Variants in PCDHGB3 observed in about 807,000 individuals in gnomAD.
PCDHGB3 encodes protocadherin gamma subfamily B, 3, also known as protocadherin gamma-B3.
In PCDHGB3, 40 loss-of-function variants were observed where a neutral mutation model predicts 59.2. The observed-to-expected ratio is 0.68, with a 90% CI of 0.52 to 0.88. The LOEUF (loss-of-function observed/expected upper bound fraction) is 0.88. Among genes scored for constraint, PCDHGB3 ranks in the 40% least tolerant of loss-of-function variants. The pLI, the probability that PCDHGB3 is intolerant of heterozygous loss-of-function variation, is 0.00. For synonymous variants in PCDHGB3, 581 were observed against 503.6 expected, an observed-to-expected ratio of 1.15 and a Z score of -2.06; for missense variants, 1,309 against 1,187.9, an observed-to-expected ratio of 1.10 and a Z score of -1.50.
intron 1 of PCDHGB3, among the ~76,000 whole-genome samples, chr5:141,483,432 A>G (rs756227206): frequency 2.0e-5 from 3 of 152,200 alleles, no homozygotes; most frequent in African/African-American, 4.8e-5. Flanking sequence ...GAGGGAGCTG[A>G]CTACAATAAA....
rs537985555 is a variant in PCDHGB3 at position 141,449,278 on chromosome 5, C to A, written c.2416-45529C>A. On this transcript the variant is annotated intron_variant, in intron 1 of 3. Coordinates refer to ENST00000576222, the MANE Select transcript of PCDHGB3 (RefSeq NM_018924.5). ...TGTACAAAGAACTGTATCTCCTTCA[C>A]CCGGATGCACCGGGTGAATTATATG... Among the ~76,000 whole-genome samples the A allele has an allele frequency of 4.6e-5, 7 of 152,166 alleles. No homozygotes were observed. In the South Asian group the frequency reaches 1.5e-3, roughly 32 times the overall value.
rs201160783 is a variant in PCDHGB3, at chr5:141,418,846, A to G, written c.2415+46037A>G. The G allele has an allele frequency of 7.4e-5, 120 of 1,613,976 alleles. No homozygotes were observed. In the East Asian group the frequency reaches 2.6e-3, roughly 34 times the overall value. On this transcript the variant is annotated intron_variant, in intron 1 of 3. Transcript: ENST00000576222. Reference sequence around the variant, plus strand: ...CAAAAGACCGAGGATCTCTCTCAACACGGTGTAAAGTAATTGTAGAAGTTG... The same window carrying G: ...CAAAAGACCGAGGATCTCTCTCAACGCGGTGTAAAGTAATTGTAGAAGTTG...
intron 1 of PCDHGB3, among the ~76,000 whole-genome samples, chr5:141,461,231 T>C (rs1042368465): frequency 6.6e-5 from 10 of 152,068 alleles, no homozygotes; most frequent in African/African-American, 2.4e-4. Context: ...TCCATAGAGG[T>C]TGTACTAATT....
chr5:141,495,853 C>T (rs1254274145), intron 2 of PCDHGB3, among the ~76,000 whole-genome samples: 1 of 152,136 alleles, frequency 6.6e-6, no homozygotes, highest in African/African-American at 2.4e-5. Context: ...TTCTCTGTCT[C>T]TCACTATTTC....
intron 1 of PCDHGB3, chr5:141,390,450 T>A: frequency 1.2e-6 from 1 of 822,586 alleles, no homozygotes; most frequent in Non-Finnish European, 1.9e-6. Context: ...AAAGGAGGAG[T>A]AAAGTAGGAG....
At chr5:141,422,997 C>A in intron 1 of PCDHGB3, 3 of 1,614,218 alleles carry the variant, frequency 1.9e-6, no homozygotes, top group Non-Finnish European at 2.5e-6. Flanking sequence ...ACCTGGTGAC[C>A]AAGGTGGTTG....
rs1308015959 is a variant in PCDHGB3, at chr5:141,482,105, AT to A, written c.2416-12701del. Among the ~76,000 whole-genome samples, 417 of 143,332 alleles carry A rather than the reference AT, an allele frequency of 2.9e-3. 1 individual carries two copies. The highest frequency in any genetic ancestry group is 0.011 in the African/African-American group (394 of 37,394). 94.0% of individuals were successfully genotyped at this position (143,332 alleles called of 152,430 possible). Reference sequence around the variant, plus strand: ...ACTCCATCTCAAAAAAAAAAAAAAAATATCTAGAGATGGGAGAATCATATGG... The same window carrying A: ...ACTCCATCTCAAAAAAAAAAAAAAAAATCTAGAGATGGGAGAATCATATGG... On this transcript the variant is annotated intron_variant, in intron 1 of 3. Coordinates refer to ENST00000576222, the MANE Select transcript of PCDHGB3 (RefSeq NM_018924.5).
At chr5:141,498,971 G>GGGAGGGAAGGAAGGAA (rs2099787588) in intron 2 of PCDHGB3, among the ~76,000 whole-genome samples, 1 of 110,970 alleles carries the variant, frequency 9.0e-6, no homozygotes, top group African/African-American at 3.6e-5. Flanking sequence ...GAGGGAGGGA[G>GGGAGGGAAGGAAGGAA]GGAAGGAAGG....
chr5:141,450,823 A>AT (rs1453980247), intron 1 of PCDHGB3, among the ~76,000 whole-genome samples: 4 of 133,078 alleles, frequency 3.0e-5, no homozygotes, highest in African/African-American at 1.2e-4. Context: ...TAATATTATT[A>AT]TTATTATTTT....
In PCDHGB3 at chr5:141,370,801, A is replaced by G; in HGVS notation, c.407A>G (p.Asn136Ser). 6.2e-7 allele frequency: 1 copy of G among 1,614,036 alleles called. No homozygotes were observed. Among genetic ancestry groups the G allele is most frequent in the Non-Finnish European group, 8.5e-7 (1 of 1,179,890 alleles). ...INDNPPTFSQNITELEISELA... is the reference protein window; with the variant it reads ...INDNPPTFSQSITELEISELA... ...GACAACCCACCGACCTTTAGCCAAA[A>G]TATCACTGAGCTGGAAATCAGCGAA... Residue 136 changes from asparagine (N) to serine (S), a missense_variant, in exon 1 of 4, where the codon AAT becomes AGT. Physicochemically the swap from Asn to Ser is conservative, Grantham distance 46 (BLOSUM62 1). Transcript: ENST00000576222.
intron 1 of PCDHGB3, among the ~76,000 whole-genome samples, chr5:141,480,768 A>G (rs1371582817): frequency 6.6e-6 from 1 of 152,162 alleles, no homozygotes; most frequent in African/African-American, 2.4e-5. Flanking sequence ...TCCCCACTTG[A>G]TCCTAATGTG....
chr5:141,371,307 G>A lies in PCDHGB3; in HGVS notation c.913G>A (p.Gly305Arg), dbSNP rs1365898739. 5 of 1,613,970 alleles carry A rather than the reference G, an allele frequency of 3.1e-6. No individual in the cohort carries two copies. In the Admixed American group the frequency reaches 6.7e-5, roughly 22 times the overall value. The change falls in exon 1 of 4, where the codon GGA becomes AGA. Residue 305 changes from glycine (G) to arginine (R), a missense_variant. Coordinates refer to ENST00000576222, the MANE Select transcript of PCDHGB3 (RefSeq NM_018924.5). ...TAAAACGGGGGAACTCACCACTATTGGAGAACTGGACTTTGAAGAGAGAGA... is the reference window on the plus strand; with the variant it reads ...TAAAACGGGGGAACTCACCACTATTAGAGAACTGGACTTTGAAGAGAGAGA... Reference protein sequence around the residue: ...DSKTGELTTIGELDFEERDSY... With the variant: ...DSKTGELTTIRELDFEERDSY...
chr5:141,419,121 C>T, intron 1 of PCDHGB3: 5 of 1,613,882 alleles, frequency 3.1e-6, no homozygotes, highest in Non-Finnish European at 3.4e-6. Flanking sequence ...TACAACGTCA[C>T]CATCGCAGCC....
intron 1 of PCDHGB3, chr5:141,394,704 G>A (rs1357305999): frequency 1.2e-6 from 2 of 1,613,268 alleles, no homozygotes; most frequent in East Asian, 2.2e-5. Context: ...CACGGCGCGA[G>A]CCCTGCTGGA....
chr5:141,408,398 C>A, intron 1 of PCDHGB3: 3 of 1,614,028 alleles, frequency 1.9e-6, no homozygotes, highest in Non-Finnish European at 2.5e-6. Context: ...GGCTCGCAAG[C>A]TGCGAGTGAG....
chr5:141,494,701 C>G, intron 1 of PCDHGB3, 106 bp from the exon 2 acceptor site: 1 of 1,594,596 alleles, frequency 6.3e-7, no homozygotes, highest in Non-Finnish European at 8.6e-7. Context: ...CCGTTTTCTT[C>G]TCTGTGCCCA....
intron 1 of PCDHGB3, chr5:141,428,285 C>CA (rs2097130658): frequency 2.7e-6 from 2 of 734,934 alleles, no homozygotes; most frequent in Non-Finnish European, 4.7e-6. Context: ...GATTCCCAAG[C>CA]AAAGCTGCAG....
intron 1 of PCDHGB3, among the ~76,000 whole-genome samples, chr5:141,465,094 G>GT (rs138941665): frequency 0.11 from 15,577 of 148,094 alleles, 909 homozygotes; most frequent in African/African-American, 0.15. Flanking sequence ...TTTTCTAGTA[G>GT]TTTTTTTTTT....
rs776330769 is a variant in PCDHGB3 at position 141,413,206 on chromosome 5, T to G, written c.2415+40397T>G. The stretch of plus-strand genomic sequence containing the variant: ...CGCTCAAAGGAATCGCTCAAAGGAA[T>G]CAAAGGATTGCAGCGGGCTGGTCCT... On this transcript the variant is annotated intron_variant, in intron 1 of 3. Transcript: ENST00000576222. 4.3e-6 allele frequency: 7 copies of G among 1,612,936 alleles called. 1 individual carries two copies. In the South Asian group the frequency reaches 7.7e-5, roughly 18 times the overall value.
Sources: gnomAD v4.1 joint callset for allele counts (sites outside exome capture counted in the v4.1 genomes callset) on GRCh38, gnomAD v4.1.1 for gene constraint, MANE v1.5 for transcripts, NCBI Gene and HGNC (gene_info 2026-07-23, HGNC 2026-07-21) for gene names.